DLG2: variants seen among roughly 807,000 people sequenced by gnomAD.
The protein encoded by DLG2 is disks large homolog 2.
A neutral mutation model predicts 132.5 loss-of-function variants in DLG2; 45 were observed. The observed-to-expected ratio is 0.34, with a 90% confidence interval of 0.27 to 0.44. The LOEUF (loss-of-function observed/expected upper bound fraction) is 0.44. Ranked by LOEUF, DLG2 falls within the 20% of genes least tolerant of loss-of-function variation. The pLI is 1.00. For synonymous variants in DLG2, 424 were observed against 419.6 expected (o/e 1.01, Z -0.13); for missense variants, 1,045 against 1,196.9 (o/e 0.87, Z 1.87).
At chr11:85,328,838 C>G (rs2081552076) in intron 3 of DLG2, among the ~76,000 whole-genome samples, 2 of 53,524 alleles carry the variant, frequency 3.7e-5, no homozygotes, top group African/African-American at 6.6e-5. Context: ...TCAAATTGTC[C>G]CTGTTTGCAG....
rs541441004 is a variant in DLG2 at position 83,730,146 on chromosome 11, G to GTTTT, written c.1825+56540_1825+56543dup. Among the ~76,000 whole-genome samples the GTTTT allele has an allele frequency of 2.0e-3, 226 of 110,954 alleles. 4 individuals are homozygous for GTTTT. The highest frequency in any genetic ancestry group is 7.2e-3 in the African/African-American group (208 of 28,842). The allele number at this position is 110,954 out of a possible 152,430, so 72.8% of individuals were successfully genotyped here. On this transcript the variant is annotated intron_variant, in intron 18 of 27. Coordinates refer to ENST00000376104, the MANE Select transcript of DLG2 (RefSeq NM_001142699.3). ...ATTTCCTTCTAGGTGTTTTTTTATG[G>GTTTT]TTTTTTTTTTTTTTTTTTTTTACAA...
chr11:85,127,022 G>T (rs1031062957), intron 5 of DLG2, among the ~76,000 whole-genome samples: 15 of 152,294 alleles, frequency 9.8e-5, no homozygotes, highest in South Asian at 2.1e-4. Context: ...AAATGGGAAA[G>T]AAGTCTGGGC....
At chr11:84,654,480 G>A (rs1459758431) in intron 6 of DLG2, among the ~76,000 whole-genome samples, 3 of 152,034 alleles carry the variant, frequency 2.0e-5, no homozygotes, top group Non-Finnish European at 4.4e-5. Flanking sequence ...CTGTAATTGG[G>A]AATAAAATAG....
intron 6 of DLG2, among the ~76,000 whole-genome samples, chr11:84,851,447 C>T (rs1421333228): frequency 1.3e-5 from 2 of 152,034 alleles, no homozygotes; most frequent in Non-Finnish European, 2.9e-5. Flanking sequence ...GAATTGAATT[C>T]CTGCCCAAAT....
chr11:83,880,725 T>C (rs2154074351), intron 15 of DLG2, among the ~76,000 whole-genome samples: 1 of 152,208 alleles, frequency 6.6e-6, no homozygotes, highest in Admixed American at 6.5e-5. Context: ...GATAGAAAAA[T>C]ATAATTGAAT....
chr11:83,489,427 A>G (rs918796682), intron 21 of DLG2, among the ~76,000 whole-genome samples: 1 of 152,002 alleles, frequency 6.6e-6, no homozygotes, highest in Non-Finnish European at 1.5e-5. Context: ...AGAAGGATCA[A>G]CCAGTTACAA....
chr11:83,548,687 A>G (rs1033393703), intron 19 of DLG2, among the ~76,000 whole-genome samples: 2 of 152,134 alleles, frequency 1.3e-5, no homozygotes, highest in Non-Finnish European at 2.9e-5. Context: ...GATTATTTCT[A>G]TTTTGTAGAT....
At chr11:85,369,081 C>T (rs1006020233) in intron 3 of DLG2, among the ~76,000 whole-genome samples, 1 of 152,136 alleles carries the variant, frequency 6.6e-6, no homozygotes, top group African/African-American at 2.4e-5. Context: ...CTCACTATTG[C>T]TCCTAAGCAT....
At chr11:85,610,751 G>C (rs1254889469) in intron 2 of DLG2, among the ~76,000 whole-genome samples, 3 of 152,350 alleles carry the variant, frequency 2.0e-5, no homozygotes, top group Admixed American at 6.5e-5. Context: ...GCCTACAGCA[G>C]GTCGAATATC....
intron 8 of DLG2, among the ~76,000 whole-genome samples, chr11:84,249,407 C>G (rs77305054): frequency 0.04 from 6,024 of 152,228 alleles, 129 homozygotes; most frequent in South Asian, 0.075. Context: ...GAAAGAAACA[C>G]AGGTAACAGC....
At chr11:84,047,354 C>G (rs567172596) in intron 11 of DLG2, among the ~76,000 whole-genome samples, 119 of 151,676 alleles carry the variant, frequency 7.8e-4, no homozygotes, top group Non-Finnish European at 1.1e-3. Context: ...CCGATACATA[C>G]CCAATATCTC....
At chr11:83,816,134 C>T (rs1424892069) in intron 17 of DLG2, among the ~76,000 whole-genome samples, 1 of 152,206 alleles carries the variant, frequency 6.6e-6, no homozygotes, top group South Asian at 2.1e-4. Context: ...AAAAATGCAG[C>T]AACTAGAGTG....
chr11:84,461,780 G>A (rs2099080912), intron 7 of DLG2, among the ~76,000 whole-genome samples: 2 of 150,616 alleles, frequency 1.3e-5, no homozygotes, highest in South Asian at 4.2e-4. Flanking sequence ...AATGGAGAAA[G>A]GTGCCAGTTT....
chr11:84,112,535 T>C (rs905555896), intron 9 of DLG2, among the ~76,000 whole-genome samples: 1 of 150,296 alleles, frequency 6.7e-6, no homozygotes, highest in East Asian at 1.9e-4. Context: ...AGAATTTTTT[T>C]TTTTAGGCAG....
chr11:85,294,014 G>C (rs534344195), intron 3 of DLG2, among the ~76,000 whole-genome samples: 13 of 151,956 alleles, frequency 8.6e-5, no homozygotes, highest in Non-Finnish European at 1.8e-4. Flanking sequence ...CGCCGAAGTG[G>C]GAAGATTGGT....
intron 6 of DLG2, among the ~76,000 whole-genome samples, chr11:84,776,876 T>C (rs1195799114): frequency 6.6e-6 from 1 of 152,176 alleles, no homozygotes; most frequent in African/African-American, 2.4e-5. Flanking sequence ...TTAAAATATA[T>C]TGTGCAAAGA....
At chr11:83,514,539 T>A (rs1279484616) in intron 21 of DLG2, among the ~76,000 whole-genome samples, 1 of 152,152 alleles carries the variant, frequency 6.6e-6, no homozygotes, top group Non-Finnish European at 1.5e-5. Context: ...CCTGCCTGAT[T>A]GCCCTGGCCA....
At chr11:85,161,205 T>C (rs932478063) in intron 4 of DLG2, among the ~76,000 whole-genome samples, 1 of 152,206 alleles carries the variant, frequency 6.6e-6, no homozygotes, top group Non-Finnish European at 1.5e-5. Context: ...ATTAAGTGGA[T>C]AGGATGACCT....
intron 10 of DLG2, among the ~76,000 whole-genome samples, chr11:84,088,761 G>A (rs540912747): frequency 3.6e-4 from 55 of 152,260 alleles, no homozygotes; most frequent in African/African-American, 1.2e-3. Flanking sequence ...TGTTGGGAGA[G>A]ATGGAAAAAA....
Sources: gnomAD v4.1 joint callset for allele counts (sites outside exome capture counted in the v4.1 genomes callset) on GRCh38, gnomAD v4.1.1 for gene constraint, MANE v1.5 for transcripts, NCBI Gene and HGNC (gene_info 2026-07-23, HGNC 2026-07-21) for gene names.